SLC35F4: variants seen among roughly 807,000 people sequenced by gnomAD.
SLC35F4 encodes chromosome 14 open reading frame 36.
Under a neutral mutation model 44.2 loss-of-function variants are expected in SLC35F4, and 24 were observed. The ratio of observed to expected loss-of-function variants is 0.54; its 90% CI spans 0.39 to 0.76. SLC35F4 has a LOEUF of 0.76. Ranked by LOEUF, SLC35F4 falls within the 30% of genes least tolerant of loss-of-function variation. SLC35F4 has a pLI of 0.00. For synonymous variants in SLC35F4, 238 were observed against 223.6 expected (o/e 1.06, Z -0.57); for missense variants, 562 against 586.1 (o/e 0.96, Z 0.42).
intron 1 of SLC35F4, among the ~76,000 whole-genome samples, chr14:57,981,116 C>T (rs1424071147): frequency 6.6e-6 from 1 of 152,190 alleles, no homozygotes; most frequent in Non-Finnish European, 1.5e-5. Context: ...AAGACAACAG[C>T]CCGGGCACTT....
chr14:57,658,754 C>T (rs1016585069), intron 1 of SLC35F4, among the ~76,000 whole-genome samples: 1 of 152,090 alleles, frequency 6.6e-6, no homozygotes, highest in Non-Finnish European at 1.5e-5. Context: ...ATGGATGTCA[C>T]CTGTCTAAAT....
chr14:57,581,819 C>G (rs955414925), intron 3 of SLC35F4, among the ~76,000 whole-genome samples: 1 of 152,212 alleles, frequency 6.6e-6, no homozygotes, highest in African/African-American at 2.4e-5. Flanking sequence ...ACTCTGTGAA[C>G]GGGCTACAGA....
chr14:57,733,431 CAA>C (rs1433216282), intron 1 of SLC35F4, among the ~76,000 whole-genome samples: 1 of 143,320 alleles, frequency 7.0e-6, no homozygotes, highest in Non-Finnish European at 1.5e-5. Flanking sequence ...CTTATATACA[CAA>C]AGTTAAGTAG....
chr14:57,958,449 C>T (rs750004164), intron 1 of SLC35F4, among the ~76,000 whole-genome samples: 2 of 151,596 alleles, frequency 1.3e-5, no homozygotes, highest in African/African-American at 2.4e-5. Context: ...TCTAGAATAG[C>T]CAAATCCTCA....
At chr14:57,951,108 C>T (rs1890131955) in intron 1 of SLC35F4, among the ~76,000 whole-genome samples, 1 of 152,104 alleles carries the variant, frequency 6.6e-6, no homozygotes, top group Admixed American at 6.5e-5. Context: ...GCACCTGGCT[C>T]ATCTCATTGG....
intron 1 of SLC35F4, among the ~76,000 whole-genome samples, chr14:57,948,362 T>C (rs1352884234): frequency 1.3e-5 from 2 of 152,136 alleles, no homozygotes; most frequent in Non-Finnish European, 2.9e-5. Flanking sequence ...TGTATTTCTG[T>C]GGTATCAGCT....
At chr14:57,680,783 A>G (rs2074870125) in intron 1 of SLC35F4, among the ~76,000 whole-genome samples, 1 of 152,106 alleles carries the variant, frequency 6.6e-6, no homozygotes, top group African/African-American at 2.4e-5. Flanking sequence ...CTACAAAGAG[A>G]ATAAAATACC....
chr14:57,818,178 G>T (rs901828817), intron 1 of SLC35F4, among the ~76,000 whole-genome samples: 4 of 152,172 alleles, frequency 2.6e-5, no homozygotes, highest in Non-Finnish European at 4.4e-5. Context: ...TGGCATCAAG[G>T]CTGGAGGAAA....
At chr14:57,809,002 T>C (rs1451211304) in intron 1 of SLC35F4, among the ~76,000 whole-genome samples, 1 of 152,200 alleles carries the variant, frequency 6.6e-6, no homozygotes, top group Non-Finnish European at 1.5e-5. Context: ...TGAGTTTACA[T>C]AGTGGCATTT....
At position 57,578,325 on chromosome 14, in the gene SLC35F4, G is replaced by GT. The variant is rs199785589; in HGVS notation, c.807+2888dup. ...GATGACTGAAAGCATCCCTTTAACT[G>GT]TTTTTTTTTTTTTTTTTTTTTTTTT... On this transcript the variant is annotated intron_variant, in intron 4 of 7. Transcript: ENST00000556826. Among the ~76,000 whole-genome samples, 42 of 43,166 alleles carry GT rather than the reference G, an allele frequency of 9.7e-4. 15 individuals are homozygous for GT. The highest frequency in any genetic ancestry group is 2.5e-3 in the African/African-American group (32 of 12,560). 28.3% of individuals were successfully genotyped at this position (43,166 alleles called of 152,430 possible). A position where few individuals can be genotyped will look rare whatever the true frequency, so the allele number is the denominator to read the frequency against.
At chr14:57,768,167 C>A (rs1176336310) in intron 1 of SLC35F4, among the ~76,000 whole-genome samples, 1 of 152,118 alleles carries the variant, frequency 6.6e-6, no homozygotes, top group Non-Finnish European at 1.5e-5. Context: ...GACACCAACA[C>A]GAGATAAGAC....
intron 1 of SLC35F4, chr14:57,604,358 A>G (rs767993743): frequency 6.6e-6 from 1 of 152,202 alleles, no homozygotes; most frequent in Non-Finnish European, 1.5e-5. Flanking sequence ...CAAAATAGAT[A>G]AGAAAATGCT....
chr14:57,841,539 C>A (rs1236608550), intron 1 of SLC35F4, among the ~76,000 whole-genome samples: 1 of 152,130 alleles, frequency 6.6e-6, no homozygotes, highest in African/African-American at 2.4e-5. Flanking sequence ...TTGGAATAGG[C>A]ACATGATTAG....
At chr14:57,848,376 G>T in intron 1 of SLC35F4, among the ~76,000 whole-genome samples, 1 of 152,208 alleles carries the variant, frequency 6.6e-6, no homozygotes, top group South Asian at 2.1e-4. Context: ...CAAAATCATG[G>T]AAGAATTGAG....
intron 1 of SLC35F4, among the ~76,000 whole-genome samples, chr14:57,841,764 G>A (rs897023740): frequency 1.3e-5 from 2 of 152,080 alleles, no homozygotes; most frequent in African/African-American, 4.8e-5. Flanking sequence ...ATTACAAGGA[G>A]TAAACACATT....
intron 1 of SLC35F4, among the ~76,000 whole-genome samples, chr14:57,962,166 A>G (rs1460073918): frequency 1.3e-5 from 2 of 152,210 alleles, no homozygotes; most frequent in African/African-American, 2.4e-5. Context: ...ACTTCTTTGA[A>G]TCTATGATTT....
intron 1 of SLC35F4, among the ~76,000 whole-genome samples, chr14:57,962,833 C>G (rs1890362862): frequency 6.6e-6 from 1 of 152,240 alleles, no homozygotes; most frequent in South Asian, 2.1e-4. Context: ...TAGCAGCACA[C>G]TGCGCAAAAC....
chr14:57,792,209 G>A (rs1473355182), intron 1 of SLC35F4, among the ~76,000 whole-genome samples: 1 of 152,126 alleles, frequency 6.6e-6, no homozygotes, highest in South Asian at 2.1e-4. Flanking sequence ...ATGACAATGC[G>A]ATACTACCTC....
intron 1 of SLC35F4, among the ~76,000 whole-genome samples, chr14:57,640,605 G>A (rs1235449802): frequency 6.6e-6 from 1 of 151,964 alleles, no homozygotes; most frequent in East Asian, 1.9e-4. Context: ...TATTCAATGA[G>A]GCATTATCTC....
Sources: allele counts gnomAD v4.1 joint callset (sites outside exome capture counted in the v4.1 genomes callset), GRCh38; gene constraint gnomAD v4.1.1; transcripts MANE v1.5; gene names NCBI Gene and HGNC (gene_info 2026-07-23, HGNC 2026-07-21).